The following MUCL1 variants were observed in gnomAD, a reference collection of about 807,000 sequenced individuals.
The protein encoded by MUCL1 is mucin-like protein 1.
A neutral mutation model predicts 9.2 loss-of-function variants in MUCL1; 11 were observed. The observed-to-expected ratio is 1.19, with a 90% confidence interval of 0.75 to 1.97. The LOEUF (loss-of-function observed/expected upper bound fraction) is 1.97. Ranked by LOEUF, MUCL1 falls within the 30% of genes most tolerant of loss-of-function variation. MUCL1 has a pLI of 0.00. For synonymous variants in MUCL1, 48 were observed against 40.5 expected (o/e 1.19, Z -0.71); for missense variants, 144 against 110.9 (o/e 1.30, Z -1.34).
intron 1 of MUCL1, among the ~76,000 whole-genome samples, chr12:54,843,850 C>T (rs768088933): frequency 3.0e-4 from 46 of 152,120 alleles, no homozygotes; most frequent in Non-Finnish European, 6.0e-4. Flanking sequence ...TAAGATAATA[C>T]ATTTATGTTT....
intron 1 of MUCL1, among the ~76,000 whole-genome samples, chr12:54,844,682 T>C (rs775876158): frequency 6.6e-6 from 1 of 152,212 alleles, no homozygotes; most frequent in Non-Finnish European, 1.5e-5. Context: ...AACATCTTAC[T>C]CAATTTCCTT....
chr12:54,850,757 C>T (rs187454979), upstream of MUCL1, among the ~76,000 whole-genome samples: 653 of 152,312 alleles, frequency 4.3e-3, 4 homozygotes, highest in African/African-American at 0.015. Context: ...AAGGGTTGAA[C>T]TAGTTTACAG....
upstream of MUCL1, among the ~76,000 whole-genome samples, chr12:54,836,665 T>C (rs1424536700): frequency 6.6e-6 from 1 of 152,166 alleles, no homozygotes; most frequent in Non-Finnish European, 1.5e-5. Context: ...TCTTGCAGTG[T>C]GATGTTAGGT....
At chr12:54,852,726 A>G (rs557727889), upstream of MUCL1, among the ~76,000 whole-genome samples, 3 of 152,272 alleles carry the variant, frequency 2.0e-5, no homozygotes, top group Admixed American at 6.5e-5. Flanking sequence ...ACCGTCTCCT[A>G]GAAGACCCTT....
chr12:54,843,907 A>C (rs1203977280), intron 1 of MUCL1, among the ~76,000 whole-genome samples: 1 of 152,224 alleles, frequency 6.6e-6, no homozygotes, highest in South Asian at 2.1e-4. Flanking sequence ...GAAATACGAA[A>C]GTAATACACT....
upstream of MUCL1, among the ~76,000 whole-genome samples, chr12:54,835,666 G>A (rs1182435979): frequency 2.0e-5 from 3 of 151,172 alleles, no homozygotes; most frequent in African/African-American, 7.3e-5. Flanking sequence ...GGTCTTCGTG[G>A]GAATGCTTTC....
upstream of MUCL1, among the ~76,000 whole-genome samples, chr12:54,835,539 T>TG (rs1377819876): frequency 6.6e-6 from 1 of 152,116 alleles, no homozygotes; most frequent in Non-Finnish European, 1.5e-5. Flanking sequence ...ATATATTTAT[T>TG]GGCCATTTGT....
In MUCL1 at chr12:54,854,607, C is replaced by T. The variant is rs996510452; in HGVS notation, c.25C>T (p.Leu9Phe). The stretch of plus-strand genomic sequence containing the variant: ...CATGAAGTTCTTAGCAGTCCTGGTA[C>T]TCTTGGGAGTTTCCATCTTTCTGGT... MKFLAVLV[L>F]LGVSIFLVSA... is the part of the protein sequence containing the mutation. The change falls in exon 1 of 4, where the codon CTC becomes TTC. Residue 9 changes from leucine to phenylalanine, a missense_variant. Physicochemically the swap from Leu to Phe is conservative, Grantham distance 22. Transcript: ENST00000308796. 10 of 1,613,380 alleles carry T rather than the reference C, an allele frequency of 6.2e-6. No individual in the cohort carries two copies. Among genetic ancestry groups the T allele is most frequent in the Middle Eastern group, 1.6e-4 (1 of 6,074 alleles).
intron 1 of MUCL1, among the ~76,000 whole-genome samples, chr12:54,841,799 G>A (rs1382407419): frequency 6.6e-6 from 1 of 152,114 alleles, no homozygotes; most frequent in Non-Finnish European, 1.5e-5. Context: ...TTGCTGTGCA[G>A]AAGCTTTTTG....
intron 1 of MUCL1, among the ~76,000 whole-genome samples, chr12:54,844,405 G>A (rs1475461662): frequency 6.6e-6 from 1 of 152,124 alleles, no homozygotes; most frequent in Non-Finnish European, 1.5e-5. Flanking sequence ...GCTTAACAGG[G>A]ATGAACCATG....
intron 2 of MUCL1, 86 bp from the exon 3 acceptor site, chr12:54,856,684 T>G (rs1868301755): frequency 4.6e-6 from 7 of 1,509,068 alleles, no homozygotes; most frequent in Non-Finnish European, 6.3e-6. Context: ...GAATTCAGGA[T>G]GAGGAATGTA....
At chr12:54,851,626 C>T (rs1959341127), upstream of MUCL1, among the ~76,000 whole-genome samples, 1 of 152,154 alleles carries the variant, frequency 6.6e-6, no homozygotes, top group African/African-American at 2.4e-5. Flanking sequence ...TCTCACCACT[C>T]CTATTCAACG....
upstream of MUCL1, among the ~76,000 whole-genome samples, chr12:54,837,360 C>A (rs1959194510): frequency 6.6e-6 from 1 of 151,940 alleles, no homozygotes; most frequent in Non-Finnish European, 1.5e-5. Flanking sequence ...TATGTTTTTA[C>A]TGTTGTTGCT....
intron 1 of MUCL1, among the ~76,000 whole-genome samples, chr12:54,842,532 C>T (rs2135941534): frequency 6.6e-6 from 1 of 152,048 alleles, no homozygotes; most frequent in Non-Finnish European, 1.5e-5. Flanking sequence ...TACTCTCAGG[C>T]CTTTCTGTGC....
chr12:54,855,842 G>A (rs933724725), intron 2 of MUCL1, among the ~76,000 whole-genome samples: 1 of 152,176 alleles, frequency 6.6e-6, no homozygotes, highest in Non-Finnish European at 1.5e-5. Context: ...TGGTCACAAG[G>A]GCATTAGCTT....
upstream of MUCL1, among the ~76,000 whole-genome samples, chr12:54,851,669 C>A (rs756524632): frequency 6.6e-6 from 1 of 152,082 alleles, no homozygotes; most frequent in Non-Finnish European, 1.5e-5. Context: ...GGCGATCAGG[C>A]AGGAGAAGGA....
At chr12:54,852,791 C>T (rs913469274), upstream of MUCL1, among the ~76,000 whole-genome samples, 4 of 152,084 alleles carry the variant, frequency 2.6e-5, no homozygotes, top group Non-Finnish European at 4.4e-5. Flanking sequence ...AGGGCTTATT[C>T]CCTACGGGGT....
chr12:54,847,072 T>G (rs1959267406), intron 1 of MUCL1, among the ~76,000 whole-genome samples: 1 of 152,118 alleles, frequency 6.6e-6, no homozygotes, highest in African/African-American at 2.4e-5. Context: ...CGCTCCCTCC[T>G]CAATACTTTA....
In MUCL1 at chr12:54,856,176, T is replaced by C. The variant is rs576921520; in HGVS notation, c.101-594T>C. Among the ~76,000 whole-genome samples the C allele has an allele frequency of 7.2e-4, 110 of 152,328 alleles. 1 individual carries two copies. The highest frequency in any genetic ancestry group is 2.5e-3 in the African/African-American group (106 of 41,580). ...TTATATCTAATGTGGCTCTCACAAT[T>C]ACCTCTCTAATAAACAGAGTCCAAG... On this transcript the variant is annotated intron_variant, in intron 2 of 3. Coordinates refer to ENST00000308796, the MANE Select transcript of MUCL1 (RefSeq NM_058173.3).
Sources: gnomAD v4.1 joint callset for allele counts (sites outside exome capture counted in the v4.1 genomes callset) on GRCh38, gnomAD v4.1.1 for gene constraint, MANE v1.5 for transcripts, NCBI Gene and HGNC (gene_info 2026-07-23, HGNC 2026-07-21) for gene names.